The following GAS7 variants were observed in gnomAD, a reference collection of about 807,000 sequenced individuals.
GAS7 encodes the protein growth arrest specific 7.
In GAS7, 28 loss-of-function variants were observed where a neutral mutation model predicts 71.1. That is an observed-to-expected ratio of 0.39 (90% confidence interval 0.29 to 0.54). The LOEUF is 0.54. Ranked by LOEUF, GAS7 falls within the 20% of genes least tolerant of loss-of-function variation. GAS7 has a pLI of 0.62. For synonymous variants in GAS7, 258 were observed against 245.8 expected, an observed-to-expected ratio of 1.05 and a Z score of -0.46; for missense variants, 436 against 627.8, an observed-to-expected ratio of 0.69 and a Z score of 3.27.
At chr17:10,052,541 T>G (rs1567570319) in intron 1 of GAS7, among the ~76,000 whole-genome samples, 1 of 152,174 alleles carries the variant, frequency 6.6e-6, no homozygotes, top group Non-Finnish European at 1.5e-5. Flanking sequence ...TGCCACACAC[T>G]GCGTAGCTGT....
At chr17:10,003,648 C>T (rs3786077) in intron 2 of GAS7, among the ~76,000 whole-genome samples, 35,951 of 152,158 alleles carry the variant, frequency 0.24, 6,508 homozygotes, top group African/African-American at 0.51. Flanking sequence ...CCACAGCTGG[C>T]AAGAGGGCAG....
chr17:10,187,396 T>C (rs959171423), intron 1 of GAS7, among the ~76,000 whole-genome samples: 6 of 152,198 alleles, frequency 3.9e-5, no homozygotes, highest in African/African-American at 1.4e-4. Flanking sequence ...CCCACAATGC[T>C]ACCTTTTTCA....
chr17:10,127,409 A>T (rs1249226927), intron 1 of GAS7, among the ~76,000 whole-genome samples: 1 of 152,048 alleles, frequency 6.6e-6, no homozygotes, highest in African/African-American at 2.4e-5. Flanking sequence ...GCAGGTCAGG[A>T]GGCGGGGAGT....
At chr17:10,126,382 A>T (rs372715041) in intron 1 of GAS7, among the ~76,000 whole-genome samples, 2 of 149,210 alleles carry the variant, frequency 1.3e-5, no homozygotes, top group East Asian at 2.0e-4. Context: ...ACACCCACAC[A>T]CTCACGCACA....
At position 10,098,293 on chromosome 17, in the gene GAS7, C is replaced by T. The variant is rs190980304; in HGVS notation, c.184-78396G>A. 1.2e-3 allele frequency among the ~76,000 whole-genome samples: 179 copies of T among 152,338 alleles called. 1 individual carries two copies. The highest frequency in any genetic ancestry group is 1.8e-3 in the Non-Finnish European group (122 of 68,034). On this transcript the variant is annotated intron_variant, in intron 1 of 13. Coordinates refer to ENST00000432992, the MANE Select transcript of GAS7 (RefSeq NM_201433.2). ...GCCTGGCCAGGAGAGCAGGAGGTGG[C>T]TTCCCCAGCTGCTGCCAAAAGACAC...
chr17:10,032,395 C>G (rs912733057), intron 1 of GAS7, among the ~76,000 whole-genome samples: 2 of 152,090 alleles, frequency 1.3e-5, no homozygotes, highest in Non-Finnish European at 2.9e-5. Flanking sequence ...ATAGTGTGGG[C>G]CATTCTGATA....
intron 4 of GAS7, among the ~76,000 whole-genome samples, chr17:9,960,070 C>G (rs1367508608): frequency 6.6e-6 from 1 of 152,122 alleles, no homozygotes; most frequent in African/African-American, 2.4e-5. Context: ...CCAGAGATCC[C>G]CAAGCAGGAC....
chr17:10,118,750 C>G (rs1017446769), intron 1 of GAS7, among the ~76,000 whole-genome samples: 2 of 142,942 alleles, frequency 1.4e-5, no homozygotes, highest in African/African-American at 5.1e-5. Flanking sequence ...TCTGGGCTGT[C>G]TTAACTTATC....
chr17:10,148,694 G>A (rs1404633121), intron 1 of GAS7, among the ~76,000 whole-genome samples: 2 of 151,120 alleles, frequency 1.3e-5, no homozygotes, highest in African/African-American at 2.4e-5. Flanking sequence ...GGCGGATCAC[G>A]AGGTCAGGAG....
chr17:9,989,468 G>A (rs1033825612), intron 2 of GAS7, among the ~76,000 whole-genome samples: 1 of 152,128 alleles, frequency 6.6e-6, no homozygotes, highest in Admixed American at 6.5e-5. Flanking sequence ...TGGTCATTAT[G>A]CCATTCCATC....
intron 1 of GAS7, among the ~76,000 whole-genome samples, chr17:10,077,296 A>C (rs2073405467): frequency 6.6e-6 from 1 of 152,338 alleles, no homozygotes; most frequent in Non-Finnish European, 1.5e-5. Context: ...CGGGCTGTTT[A>C]TATCCATGCC....
chr17:10,171,348 A>G (rs1480545558), intron 1 of GAS7, among the ~76,000 whole-genome samples: 1 of 152,128 alleles, frequency 6.6e-6, no homozygotes, highest in African/African-American at 2.4e-5. Context: ...CCAGAACCCC[A>G]TTCACAGCTG....
At chr17:10,152,202 A>T (rs1597822580) in intron 1 of GAS7, among the ~76,000 whole-genome samples, 1 of 152,298 alleles carries the variant, frequency 6.6e-6, no homozygotes, top group Admixed American at 6.5e-5. Flanking sequence ...GACAAGCCCC[A>T]CCAAAGTCAC....
rs576317472 is a variant in GAS7, at chr17:9,991,378, G to A, written c.305-9494C>T. ...CTCACAGCTGCTTACAAAATTCTTAGGGCAGCCCTACAATCTTGGTGGGGA... is the reference window on the plus strand; with the variant it reads ...CTCACAGCTGCTTACAAAATTCTTAAGGCAGCCCTACAATCTTGGTGGGGA... On this transcript the variant is annotated intron_variant, in intron 2 of 13. Coordinates refer to ENST00000432992, the MANE Select transcript of GAS7 (RefSeq NM_201433.2). 3.3e-5 allele frequency among the ~76,000 whole-genome samples: 5 copies of A among 152,252 alleles called. No individual in the cohort carries two copies. In the South Asian group the frequency reaches 8.3e-4, roughly 25 times the overall value.
intron 1 of GAS7, among the ~76,000 whole-genome samples, chr17:10,166,011 CTT>C (rs11356429): frequency 5.6e-5 from 8 of 143,198 alleles, no homozygotes; most frequent in South Asian, 4.4e-4. Flanking sequence ...TTTTCTTTTT[CTT>C]TTTTTTTTTT....
chr17:9,918,206 C>T (rs1567767447), intron 12 of GAS7, 107 bp from the exon 13 acceptor site: 3 of 718,574 alleles, frequency 4.2e-6, no homozygotes, highest in African/African-American at 3.5e-5. Context: ...CATTCTGTCC[C>T]ATCTGACTCT....
rs745619581 is a variant in GAS7 at position 9,917,261 on chromosome 17, C to T, written c.1398G>A (p.Thr466=). 227 of 1,613,038 alleles carry T rather than the reference C, an allele frequency of 1.4e-4. No homozygotes were observed. Among genetic ancestry groups the T allele is most frequent in the Admixed American group, 6.5e-4 (39 of 60,026 alleles). Residue 466 remains threonine (T), a synonymous_variant, in exon 14 of 14, where the codon ACG becomes ACA. Transcript: ENST00000432992. ...DRELWVREHK[T]GNIRPVDMEI Reference sequence around the variant, plus strand: ...CCATGTCCACAGGGCGGATGTTGCCCGTCTTGTGCTCTCTGACCCACAGCT... The same window carrying T: ...CCATGTCCACAGGGCGGATGTTGCCTGTCTTGTGCTCTCTGACCCACAGCT...
intron 2 of GAS7, among the ~76,000 whole-genome samples, chr17:9,987,146 C>T (rs1366772099): frequency 6.6e-6 from 1 of 152,240 alleles, no homozygotes; most frequent in Non-Finnish European, 1.5e-5. Flanking sequence ...CTCTGGACGT[C>T]CATCCCTGTG....
At chr17:10,004,964 C>A (rs563324325) in intron 2 of GAS7, among the ~76,000 whole-genome samples, 3 of 152,064 alleles carry the variant, frequency 2.0e-5, no homozygotes, top group African/African-American at 4.8e-5. Context: ...GAGCTGAGAT[C>A]GCGCCATTGC....
Sources: gnomAD v4.1 joint callset for allele counts (sites outside exome capture counted in the v4.1 genomes callset) on GRCh38, gnomAD v4.1.1 for gene constraint, MANE v1.5 for transcripts, NCBI Gene and HGNC (gene_info 2026-07-23, HGNC 2026-07-21) for gene names.